The following FAM186B variants were observed in gnomAD, a reference collection of about 807,000 sequenced individuals.
FAM186B encodes the protein protein FAM186B.
FAM186B carries 68 observed loss-of-function variants against 83.4 expected under a neutral mutation model. The observed-to-expected ratio is 0.81, with a 90% confidence interval of 0.67 to 1.00. FAM186B has a LOEUF of 1.00. FAM186B is among the 50% of genes least tolerant of loss of function. FAM186B has a pLI of 0.00. For synonymous variants in FAM186B, 389 were observed against 422.0 expected, an observed-to-expected ratio of 0.92 and a Z score of 0.96; for missense variants, 983 against 1,099.2, an observed-to-expected ratio of 0.89 and a Z score of 1.49.
intron 5 of FAM186B, among the ~76,000 whole-genome samples, chr12:49,589,002 C>T (rs1184200833): frequency 6.6e-6 from 1 of 152,184 alleles, no homozygotes; most frequent in Non-Finnish European, 1.5e-5. Context: ...CCAGCCCCAG[C>T]CCTGGCACTG....
Position 49,603,200 on chromosome 12 carries a change from T to G in FAM186B, c.490A>C (p.Lys164Gln). 1 of 1,614,184 alleles carries G rather than the reference T, an allele frequency of 6.2e-7. No individual in the cohort carries two copies. The highest frequency in any genetic ancestry group is 1.1e-5 in the South Asian group (1 of 91,084). Residue 164 changes from lysine (K) to glutamine (Q), a missense_variant, in exon 3 of 7, where the codon AAG becomes CAG. By Grantham distance (53) the Lys-to-Gln change is moderately conservative. Transcript: ENST00000257894. The part of the protein sequence containing the change: ...ALCSTLIEGQ[K>Q]KRSQVSKRTF... ...TAGAACCTACCTTGTGACCTTTTCT[T>G]TTGTCCTTCAATGAGAGTGGAGCAA...
At chr12:49,609,796 G>C (rs1940065104), upstream of FAM186B, among the ~76,000 whole-genome samples, 1 of 152,182 alleles carries the variant, frequency 6.6e-6, no homozygotes, top group Admixed American at 6.5e-5. Context: ...TGCTGTGCCT[G>C]CCATTGAGGG....
chr12:49,609,140 A>G (rs1047521230), upstream of FAM186B, among the ~76,000 whole-genome samples: 2 of 152,130 alleles, frequency 1.3e-5, no homozygotes, highest in Non-Finnish European at 2.9e-5. Flanking sequence ...CTGGGGTGGG[A>G]AAGGGACTGC....
In FAM186B at chr12:49,588,207, G is replaced by A. The variant is rs1019101735; in HGVS notation, c.2534+247C>T. On this transcript the variant is annotated intron_variant, in intron 6 of 6. Transcript: ENST00000257894. ...AGGTGTGGGTCCTCAGAGTCTTTCC[G>A]TCGCATAGTTTGAAATGCACTGGTC... 4.6e-5 allele frequency among the ~76,000 whole-genome samples: 7 copies of A among 152,330 alleles called. No homozygotes were observed. The East Asian group carries it at 9.6e-4, about 21-fold the overall frequency.
Position 49,601,063 on chromosome 12 carries a change from G to C in FAM186B, c.577C>G (p.Leu193Val). The C allele has an allele frequency of 6.2e-7, 1 of 1,611,210 alleles. No individual in the cohort carries two copies. The highest frequency in any genetic ancestry group is 8.5e-7 in the Non-Finnish European group (1 of 1,178,240). ...PQTSPSHPQP[L>V]SPEQMLQDQH... ...TCCTGGAGCATCTGTTCTGGGCTTA[G>C]TGGCTGAGGATGGGATGGAGATGTC... The change falls in exon 4 of 7, where the codon CTA (leucine) becomes GTA (valine). Residue 193 changes from leucine (L) to valine (V), a missense_variant. Transcript: ENST00000257894.
At position 49,598,793 on chromosome 12, in the gene FAM186B, G is replaced by T. The variant is rs765632091; in HGVS notation, c.2326C>A (p.Arg776=). The T allele has an allele frequency of 2.5e-6, 4 of 1,611,942 alleles. No homozygotes were observed. In the East Asian group the frequency reaches 8.9e-5, roughly 36 times the overall value. ...GTCACCATGCTGCTCAGGCACTCTC[G>T]GTGCTTCTCCTCCAGCCCCTTCTGC... The part of the protein sequence containing the change: ...DKQKGLEEKH[R]ECLSSMVTMF... The change falls in exon 5 of 7, where the codon CGA becomes AGA. Residue 776 remains arginine (R), a synonymous_variant. Transcript: ENST00000257894.
intron 3 of FAM186B, among the ~76,000 whole-genome samples, chr12:49,601,714 G>A (rs1234864936): frequency 2.0e-5 from 3 of 151,266 alleles, no homozygotes. Flanking sequence ...CCAGGAAAAT[G>A]CACTACACAC....
chr12:49,601,164 G>A (rs762989961), intron 3 of FAM186B, 30 bp from the exon 4 acceptor site: 20 of 1,518,998 alleles, frequency 1.3e-5, no homozygotes, highest in African/African-American at 1.3e-4. Flanking sequence ...AAAAGTCAAC[G>A]ATTTCTCATG....
chr12:49,615,743 C>G, the FAM186B span, among the ~76,000 whole-genome samples: 2 of 151,654 alleles, frequency 1.3e-5, no homozygotes, highest in Non-Finnish European at 1.5e-5. Context: ...GAGCTGTGAT[C>G]GTGCCACTGC....
At chr12:49,599,085 T>C in intron 4 of FAM186B, 138 bp from the exon 5 acceptor site, 1 of 882,510 alleles carries the variant, frequency 1.1e-6, no homozygotes, top group South Asian at 1.8e-5. Context: ...CTGGGGAAAA[T>C]GGGGCAGAGA....
intron 5 of FAM186B, among the ~76,000 whole-genome samples, chr12:49,590,008 AGAG>A (rs1240784235): frequency 1.3e-5 from 2 of 151,136 alleles, no homozygotes; most frequent in Admixed American, 6.6e-5. Flanking sequence ...AAAAGTCAAA[AGAG>A]GAGAATATAG....
intron 5 of FAM186B, among the ~76,000 whole-genome samples, chr12:49,592,179 T>G (rs1939595373): frequency 6.6e-6 from 1 of 152,162 alleles, no homozygotes; most frequent in Non-Finnish European, 1.5e-5. Context: ...AGTTAAAGAT[T>G]TATATTGTAA....
chr12:49,605,621 C>A lies in FAM186B; in HGVS notation c.-144G>T. ...CAGGCACAGCTCCTCTGGTAACTGC[C>A]AAACACCAGGTTCCAACTGATCCTC... is the stretch of plus-strand genomic sequence containing the variant. On this transcript the variant is annotated 5_prime_UTR_variant, in exon 1 of 7. Coordinates refer to ENST00000257894, the MANE Select transcript of FAM186B (RefSeq NM_032130.3). The A allele has an allele frequency of 1.3e-6, 1 of 759,518 alleles. No individual in the cohort carries two copies. Among genetic ancestry groups the A allele is most frequent in the Non-Finnish European group, 2.1e-6 (1 of 480,052 alleles). The allele number at this position is 759,518 out of a possible 1,614,324, so 47.0% of individuals were successfully genotyped here. A position where few individuals can be genotyped will look rare whatever the true frequency, so the allele number is the denominator to read the frequency against.
chr12:49,601,797 C>A (rs1486577668), intron 3 of FAM186B, among the ~76,000 whole-genome samples: 2 of 151,866 alleles, frequency 1.3e-5, no homozygotes, highest in African/African-American at 4.8e-5. Flanking sequence ...CCCCCTTGGA[C>A]CTACTATGTA....
intron 2 of FAM186B, among the ~76,000 whole-genome samples, chr12:49,603,862 C>T (rs1286256815): frequency 6.6e-6 from 1 of 152,158 alleles, no homozygotes; most frequent in African/African-American, 2.4e-5. Context: ...GCACACAGCA[C>T]ACAGGTCCTG....
chr12:49,590,216 C>T (rs997050737), intron 5 of FAM186B, among the ~76,000 whole-genome samples: 5 of 151,452 alleles, frequency 3.3e-5, no homozygotes, highest in East Asian at 1.9e-4. Context: ...GGTGTATGGC[C>T]CATAGATTAG....
Position 49,587,551 on chromosome 12 carries a change from C to T in FAM186B, c.*54G>A. 6.2e-7 allele frequency: 1 copy of T among 1,608,856 alleles called. No homozygotes were observed. The highest frequency in any genetic ancestry group is 1.1e-5 in the South Asian group (1 of 90,992). ...ATTGGGGAGAATCCACATTGACCAT[C>T]AGCCTCGCACCTTACTGGGCCTTCA... On this transcript the variant is annotated 3_prime_UTR_variant, in exon 7 of 7. Transcript: ENST00000257894.
intron 5 of FAM186B, among the ~76,000 whole-genome samples, chr12:49,590,974 A>G (rs1272770475): frequency 6.6e-6 from 1 of 152,224 alleles, no homozygotes; most frequent in Non-Finnish European, 1.5e-5. Context: ...ATAATGGAAT[A>G]ACAAGGACTA....
At chr12:49,584,708 C>G (rs1939404077), downstream of FAM186B, 6 of 689,712 alleles carry the variant, frequency 8.7e-6, no homozygotes, top group South Asian at 9.1e-5. Flanking sequence ...TTCCCAGAGC[C>G]AAGTCCAGAG....
Sources: gnomAD v4.1 joint callset for allele counts (sites outside exome capture counted in the v4.1 genomes callset) on GRCh38, gnomAD v4.1.1 for gene constraint, MANE v1.5 for transcripts, NCBI Gene and HGNC (gene_info 2026-07-23, HGNC 2026-07-21) for gene names.